Variants in CEP128 observed in about 807,000 individuals in gnomAD.
CEP128 encodes centrosomal protein 128kDa.
A neutral mutation model predicts 156.7 loss-of-function variants in CEP128; 132 were observed. That is an observed-to-expected ratio of 0.84 (90% CI 0.73 to 0.97). The LOEUF (loss-of-function observed/expected upper bound fraction) is 0.97. Among genes scored for constraint, CEP128 ranks in the 50% least tolerant of loss-of-function variants. The probability of loss-of-function intolerance (pLI) is 0.00; values close to 1 mark genes in which losing one functional copy is unlikely to be tolerated. For missense variants in CEP128, 1,252 were observed against 1,281.9 expected, an observed-to-expected ratio of 0.98 and a Z score of 0.36; for synonymous variants, 469 against 448.9, an observed-to-expected ratio of 1.04 and a Z score of -0.57.
At chr14:80,946,904 C>A (rs539685089) in intron 2 of CEP128, among the ~76,000 whole-genome samples, 1 of 152,276 alleles carries the variant, frequency 6.6e-6, no homozygotes, top group African/African-American at 2.4e-5. Flanking sequence ...GGATTTCCCC[C>A]TTGCTGTTCT....
At chr14:80,518,269 G>A (rs1888584743) in intron 23 of CEP128, among the ~76,000 whole-genome samples, 1 of 151,702 alleles carries the variant, frequency 6.6e-6, no homozygotes, top group African/African-American at 2.4e-5. Context: ...CTGGTCGGGT[G>A]TGAGCTAAGT....
intron 19 of CEP128, among the ~76,000 whole-genome samples, chr14:80,647,006 T>TAC (rs1894662351): frequency 8.1e-6 from 1 of 123,978 alleles, no homozygotes; most frequent in Non-Finnish European, 1.8e-5. Context: ...TATATATATA[T>TAC]ATATATGTGT....
intron 12 of CEP128, among the ~76,000 whole-genome samples, chr14:80,831,779 C>T (rs1885814982): frequency 6.6e-6 from 1 of 152,116 alleles, no homozygotes; most frequent in African/African-American, 2.4e-5. Flanking sequence ...ATTAATATAT[C>T]ATTTAACAAT....
chr14:80,703,753 T>C (rs1240182758), intron 19 of CEP128, among the ~76,000 whole-genome samples: 1 of 152,076 alleles, frequency 6.6e-6, no homozygotes. Flanking sequence ...ACTGGCATTA[T>C]CTGAATTTCA....
At chr14:80,559,782 T>C (rs1049234087) in intron 20 of CEP128, among the ~76,000 whole-genome samples, 2 of 152,250 alleles carry the variant, frequency 1.3e-5, no homozygotes, top group Non-Finnish European at 2.9e-5. Context: ...TAAATCATTA[T>C]TGAAAACAAG....
At chr14:80,942,577 T>G (rs551432694), upstream of CEP128, among the ~76,000 whole-genome samples, 1 of 152,342 alleles carries the variant, frequency 6.6e-6, no homozygotes, top group South Asian at 2.1e-4. Context: ...TTACCTGATC[T>G]GTGAAAGCTT....
intron 21 of CEP128, among the ~76,000 whole-genome samples, chr14:80,537,777 G>T (rs1889553459): frequency 6.6e-6 from 1 of 152,110 alleles, no homozygotes; most frequent in Non-Finnish European, 1.5e-5. Flanking sequence ...ATGGTGACAG[G>T]TAAAGAAACT....
chr14:80,832,274 C>T (rs1885844484), intron 12 of CEP128, among the ~76,000 whole-genome samples: 1 of 152,036 alleles, frequency 6.6e-6, no homozygotes, highest in Non-Finnish European at 1.5e-5. Context: ...GAATAATACA[C>T]ATCCCAAGAA....
intron 19 of CEP128, among the ~76,000 whole-genome samples, chr14:80,701,730 T>C (rs911731133): frequency 5.3e-5 from 8 of 152,228 alleles, no homozygotes; most frequent in Non-Finnish European, 1.2e-4. Flanking sequence ...ATGGGACTTC[T>C]ATGTTTCAAT....
At chr14:80,547,531 G>C (rs943942764) in intron 21 of CEP128, among the ~76,000 whole-genome samples, 2 of 152,290 alleles carry the variant, frequency 1.3e-5, no homozygotes, top group African/African-American at 4.8e-5. Context: ...CTCTTGAATA[G>C]GGTGAGGGGT....
intron 8 of CEP128, among the ~76,000 whole-genome samples, chr14:80,876,942 G>A (rs1888312609): frequency 6.6e-6 from 1 of 151,992 alleles, no homozygotes; most frequent in Non-Finnish European, 1.5e-5. Context: ...TAAATCTAAG[G>A]GTAAACCTAA....
At chr14:80,774,971 T>C (rs970972525) in intron 16 of CEP128, among the ~76,000 whole-genome samples, 1 of 152,196 alleles carries the variant, frequency 6.6e-6, no homozygotes, top group Non-Finnish European at 1.5e-5. Context: ...ATTATTTTTA[T>C]TACTAACACA....
chr14:80,629,038 C>T (rs778001351), intron 19 of CEP128, among the ~76,000 whole-genome samples: 4 of 129,096 alleles, frequency 3.1e-5, no homozygotes, highest in Non-Finnish European at 6.4e-5. Context: ...CCTTTTTAAA[C>T]TCAAGCCTGT....
At chr14:80,902,798 G>C (rs1231884671) in intron 6 of CEP128, among the ~76,000 whole-genome samples, 3 of 152,090 alleles carry the variant, frequency 2.0e-5, no homozygotes, top group Non-Finnish European at 4.4e-5. Flanking sequence ...AGATTAACTT[G>C]TTCATACTAA....
chr14:80,911,236 C>T (rs766590673), intron 4 of CEP128, among the ~76,000 whole-genome samples: 4 of 152,208 alleles, frequency 2.6e-5, no homozygotes, highest in African/African-American at 4.8e-5. Context: ...TGGTAGCTCA[C>T]GCCTATAATC....
At chr14:80,561,198 A>G (rs1234311552) in intron 20 of CEP128, among the ~76,000 whole-genome samples, 1 of 152,256 alleles carries the variant, frequency 6.6e-6, no homozygotes, top group Admixed American at 6.5e-5. Flanking sequence ...GCATGAGTTA[A>G]ATGAATACAT....
intron 21 of CEP128, among the ~76,000 whole-genome samples, chr14:80,543,986 T>C (rs1453642562): frequency 6.6e-6 from 1 of 152,094 alleles, no homozygotes; most frequent in Non-Finnish European, 1.5e-5. Flanking sequence ...CTCCGAAAAT[T>C]AGGCAGGATT....
At chr14:80,658,173 A>G (rs1337391159) in intron 19 of CEP128, among the ~76,000 whole-genome samples, 2 of 152,208 alleles carry the variant, frequency 1.3e-5, no homozygotes, top group Admixed American at 1.3e-4. Flanking sequence ...AGTTTTAAAA[A>G]GGTAATTTGT....
chr14:80,858,373 T>C lies in CEP128; in HGVS notation c.762+4384A>G, dbSNP rs1436236885. 7.7e-5 allele frequency among the ~76,000 whole-genome samples: 10 copies of C among 130,158 alleles called. No homozygotes were observed. In the East Asian group the frequency reaches 1.7e-3, roughly 22 times the overall value. The allele number at this position is 130,158 out of a possible 152,430, so 85.4% of individuals were successfully genotyped here. A position where few individuals can be genotyped will look rare whatever the true frequency, so the allele number is the denominator to read the frequency against. ...GGAAGCTGAAACTGGATCCCTTCCT[T>C]ACACCTTATACAAAAATCAATTCAA... On this transcript the variant is annotated intron_variant, in intron 9 of 24. Coordinates refer to ENST00000555265, the MANE Select transcript of CEP128 (RefSeq NM_152446.5).
Sources: gnomAD v4.1 joint callset for allele counts (sites outside exome capture counted in the v4.1 genomes callset) on GRCh38, gnomAD v4.1.1 for gene constraint, MANE v1.5 for transcripts, NCBI Gene and HGNC (gene_info 2026-07-23, HGNC 2026-07-21) for gene names.